The following DDIAS variants were observed in gnomAD, a reference collection of about 807,000 sequenced individuals.
DDIAS encodes DNA damage induced apoptosis suppressor.
In DDIAS, 14 loss-of-function variants were observed where a neutral mutation model predicts 15.7. That is an observed-to-expected ratio of 0.89 (90% CI 0.59 to 1.39). The LOEUF (loss-of-function observed/expected upper bound fraction) is 1.39. DDIAS is among the 40% of genes most tolerant of loss of function. The probability of loss-of-function intolerance (pLI) is 0.00; values close to 1 mark genes in which losing one functional copy is unlikely to be tolerated. For missense variants in DDIAS, 1,035 were observed against 1,130.9 expected (o/e 0.92, Z 1.22); for synonymous variants, 355 against 395.9 (o/e 0.90, Z 1.23).
In DDIAS at chr11:82,931,846, C is replaced by T. The variant is rs775408011; in HGVS notation, c.508C>T (p.Pro170Ser). The change falls in exon 6 of 6, where the codon CCA becomes TCA. Residue 170 changes from proline to serine, a missense_variant. Pro to Ser is a moderately conservative substitution (Grantham distance 74). Coordinates refer to ENST00000533655, the MANE Select transcript of DDIAS (RefSeq NM_145018.4). ...LVACQIVLPD[P>S]GIAGFTVIDY... ...GGCTTGCCAGATTGTTCTACCAGAC[C>T]CAGGTATTGCAGGCTTTACTGTCAT... The T allele has an allele frequency of 2.5e-6, 4 of 1,614,130 alleles. 1 individual carries two copies. In the Admixed American group the frequency reaches 6.7e-5, roughly 27 times the overall value.
intron 3 of DDIAS, among the ~76,000 whole-genome samples, chr11:82,920,030 G>C (rs114936461): frequency 0.015 from 2,346 of 152,178 alleles, 70 homozygotes; most frequent in African/African-American, 0.053. Flanking sequence ...GCCTTTTGTT[G>C]GTAATTTTTT....
intron 3 of DDIAS, among the ~76,000 whole-genome samples, chr11:82,919,125 G>A (rs552323265): frequency 6.6e-6 from 1 of 152,250 alleles, no homozygotes; most frequent in South Asian, 2.1e-4. Context: ...AGGACTTCCA[G>A]TAGTATGTTG....
In DDIAS at chr11:82,932,241, T is replaced by C. The variant is rs2121371238; in HGVS notation, c.903T>C (p.Tyr301=). 2 of 1,613,732 alleles carry C rather than the reference T, an allele frequency of 1.2e-6. No homozygotes were observed. Among genetic ancestry groups the C allele is most frequent in the South Asian group, 2.2e-5 (2 of 91,004 alleles). Residue 301 remains tyrosine, a synonymous_variant, in exon 6 of 6, where the codon TAT becomes TAC. Transcript: ENST00000533655. ...AGGATTCATGGAGCCTTGTTTCATA[T>C]ATGGATAAAAAGAGTACAGCAGAAA... ...PIQDSWSLVS[Y]MDKKSTAEKL...
chr11:82,932,218 G>A lies in DDIAS; in HGVS notation c.880G>A (p.Asp294Asn). ...GSSSCHDPIQ[D>N]SWSLVSYMDK... ...CAGTAGCTGCCATGATCCCATTCAG[G>A]ATTCATGGAGCCTTGTTTCATATAT... The change falls in exon 6 of 6, where the codon GAT (aspartate) becomes AAT (asparagine). Residue 294 changes from aspartate to asparagine, a missense_variant. Asp to Asn is a conservative substitution (Grantham distance 23, BLOSUM62 1). Transcript: ENST00000533655. 1 of 1,613,916 alleles carries A rather than the reference G, an allele frequency of 6.2e-7. No individual in the cohort carries two copies. Among genetic ancestry groups the A allele is most frequent in the Non-Finnish European group, 8.5e-7 (1 of 1,179,982 alleles).
At chr11:82,924,314 G>C (rs1434479377) in intron 3 of DDIAS, among the ~76,000 whole-genome samples, 4 of 152,134 alleles carry the variant, frequency 2.6e-5, no homozygotes, top group African/African-American at 9.7e-5. Context: ...TCTTAAGCTG[G>C]AATCTGTGGA....
At position 82,933,123 on chromosome 11, in the gene DDIAS, G is replaced by A; in HGVS notation, c.1785G>A (p.Leu595=). Residue 595 remains leucine (L), a synonymous_variant, in exon 6 of 6, where the codon CTG becomes CTA. Coordinates refer to ENST00000533655, the MANE Select transcript of DDIAS (RefSeq NM_145018.4). ...AAATGAATGAAAAGTTGACAACTCT[G>A]TGTTATAGGAAGTATAATGATGTCT... The part of the protein sequence containing the change: ...VSEMNEKLTT[L]CYRKYNDVSD... The A allele has an allele frequency of 6.2e-7, 1 of 1,606,330 alleles. No homozygotes were observed. The highest frequency in any genetic ancestry group is 8.5e-7 in the Non-Finnish European group (1 of 1,179,310).
intron 3 of DDIAS, among the ~76,000 whole-genome samples, chr11:82,920,236 T>C (rs1860716866): frequency 6.6e-6 from 1 of 152,216 alleles, no homozygotes; most frequent in African/African-American, 2.4e-5. Flanking sequence ...ATGTCCCGTT[T>C]TGTTTCTTAA....
chr11:82,915,212 A>G lies in DDIAS; in HGVS notation c.113+361A>G, dbSNP rs184302989. ...TGCATGATCAGTAGAATAGTTGTTAATATAAATAAATAAATTCCTTGAGAC... is the reference window on the plus strand; with the variant it reads ...TGCATGATCAGTAGAATAGTTGTTAGTATAAATAAATAAATTCCTTGAGAC... On this transcript the variant is annotated intron_variant, in intron 3 of 5. Transcript: ENST00000533655. 2.3e-3 allele frequency among the ~76,000 whole-genome samples: 345 copies of G among 152,334 alleles called. 3 individuals carry two copies. Among genetic ancestry groups the G allele is most frequent in the Non-Finnish European group, 5.7e-4 (39 of 68,024 alleles).
At position 82,914,866 on chromosome 11, in the gene DDIAS, T is replaced by C. The variant is rs766917044; in HGVS notation, c.113+15T>C. 6.7e-6 allele frequency: 10 copies of C among 1,502,172 alleles called. No homozygotes were observed. Among genetic ancestry groups the C allele is most frequent in the Non-Finnish European group, 9.2e-6 (10 of 1,085,548 alleles). The allele number at this position is 1,502,172 out of a possible 1,614,324, so 93.1% of individuals were successfully genotyped here. On this transcript the variant is annotated intron_variant, in intron 3 of 5. Transcript: ENST00000533655. ...GTCTCCAAAAGGTAAAAGTAAAGTC[T>C]GTAAGTGTGAGAGAGGAAATACAAA...
At chr11:82,929,694 ACT>A (rs781405771) in intron 4 of DDIAS, among the ~76,000 whole-genome samples, 30 of 131,626 alleles carry the variant, frequency 2.3e-4, no homozygotes, top group South Asian at 4.8e-4. Flanking sequence ...ACAGAGCGAG[ACT>A]CTGTCTCAAA....
intron 1 of DDIAS, among the ~76,000 whole-genome samples, chr11:82,904,644 A>T (rs965978588): frequency 1.3e-5 from 2 of 152,216 alleles, no homozygotes; most frequent in Non-Finnish European, 2.9e-5. Context: ...TCAGGCCCTT[A>T]TCCCAGACTT....
chr11:82,920,427 G>C (rs192027241), intron 3 of DDIAS, among the ~76,000 whole-genome samples: 14 of 152,146 alleles, frequency 9.2e-5, no homozygotes, highest in African/African-American at 3.4e-4. Context: ...TTTCGGTTTG[G>C]TTTGTTCTTG....
intron 5 of DDIAS, among the ~76,000 whole-genome samples, chr11:82,930,645 A>G (rs969543492): frequency 6.6e-6 from 1 of 152,172 alleles, no homozygotes; most frequent in African/African-American, 2.4e-5. Context: ...ATAAAAGAGA[A>G]TAATGGAACA....
chr11:82,912,307 T>C (rs1159654041), intron 1 of DDIAS, among the ~76,000 whole-genome samples: 1 of 152,206 alleles, frequency 6.6e-6, no homozygotes, highest in East Asian at 1.9e-4. Context: ...TTGTTTAGTG[T>C]AGCCACCATC....
intron 3 of DDIAS, among the ~76,000 whole-genome samples, chr11:82,915,830 C>G (rs1049653006): frequency 3.3e-5 from 5 of 152,160 alleles, no homozygotes; most frequent in African/African-American, 9.6e-5. Flanking sequence ...AACCCATGGG[C>G]TATTTGCCTT....
chr11:82,922,761 T>A (rs1376095476), intron 3 of DDIAS: 2 of 152,186 alleles, frequency 1.3e-5, no homozygotes, highest in African/African-American at 4.8e-5. Flanking sequence ...TTAAAGAGCC[T>A]TGTTTTGTCA....
intron 4 of DDIAS, among the ~76,000 whole-genome samples, chr11:82,929,951 C>G (rs1280110207): frequency 6.6e-6 from 1 of 152,134 alleles, no homozygotes; most frequent in African/African-American, 2.4e-5. Flanking sequence ...CAGGTAACTA[C>G]TTTACTCCCA....
chr11:82,934,381 A>G lies in DDIAS; in HGVS notation c.*46A>G, dbSNP rs774057788. 9 of 1,513,262 alleles carry G rather than the reference A, an allele frequency of 5.9e-6. No individual in the cohort carries two copies. Among genetic ancestry groups the G allele is most frequent in the Non-Finnish European group, 7.1e-6 (8 of 1,128,452 alleles). 93.7% of individuals were successfully genotyped at this position (1,513,262 alleles called of 1,614,324 possible). A position where few individuals can be genotyped will look rare whatever the true frequency, so the allele number is the denominator to read the frequency against. On this transcript the variant is annotated 3_prime_UTR_variant, in exon 6 of 6. Transcript: ENST00000533655. Reference sequence around the variant, plus strand: ...CCTGAACTTTTAAATCTGTTTGGAAATGTTTGCCTTCAGGGGTACGGAAAG... The same window carrying G: ...CCTGAACTTTTAAATCTGTTTGGAAGTGTTTGCCTTCAGGGGTACGGAAAG...
rs375498597 is a variant in DDIAS, at chr11:82,930,241, C to T, written c.360C>T (p.Cys120=). ...TATTAACTAAAGCAGTTGAAACTTG[C>T]TTTGTTGGACAAAGCTTTATTTTTG... is the stretch of plus-strand genomic sequence containing the variant. ...QNLLTKAVET[C]FVGQSFIFGV... The change falls in exon 5 of 6, where the codon TGC becomes TGT. Residue 120 remains cysteine, a synonymous_variant. Transcript: ENST00000533655. The T allele has an allele frequency of 4.4e-6, 7 of 1,596,382 alleles. No individual in the cohort carries two copies. In the East Asian group the frequency reaches 6.7e-5, roughly 15 times the overall value.
Sources: allele counts gnomAD v4.1 joint callset (sites outside exome capture counted in the v4.1 genomes callset), GRCh38; gene constraint gnomAD v4.1.1; transcripts MANE v1.5; gene names NCBI Gene and HGNC (gene_info 2026-07-23, HGNC 2026-07-21).